Variants in NR2F2 observed in about 807,000 individuals in gnomAD.
NR2F2 encodes COUP transcription factor 2.
Under a neutral mutation model 34.8 loss-of-function variants are expected in NR2F2, and 2 were observed. The ratio of observed to expected loss-of-function variants is 0.06; its 90% CI spans 0.02 to 0.18. The LOEUF (loss-of-function observed/expected upper bound fraction) is 0.18, where lower values mean the gene tolerates loss of function less well. NR2F2 is among the 10% of genes least tolerant of loss of function. The probability of loss-of-function intolerance (pLI) is 1.00; values close to 1 mark genes in which losing one functional copy is unlikely to be tolerated. For synonymous variants in NR2F2, 274 were observed against 251.8 expected (o/e 1.09, Z -0.84); for missense variants, 300 against 580.1 (o/e 0.52, Z 4.96).
chr15:96,334,225 A>G lies in NR2F2; in HGVS notation c.592A>G (p.Ser198Gly), dbSNP rs1899251327. Reference protein sequence around the residue: ...AEPYPTSRFGSQCMQPNNIMG... With the variant: ...AEPYPTSRFGGQCMQPNNIMG... ...GCCCTATCCCACGTCGCGCTTCGGC[A>G]GCCAATGCATGCAGCCCAACAACAT... is the stretch of plus-strand genomic sequence containing the variant. Residue 198 changes from serine (S) to glycine (G), a missense_variant, in exon 2 of 3, where the codon AGC (serine) becomes GGC (glycine). Transcript: ENST00000394166. The G allele has an allele frequency of 3.1e-6, 5 of 1,614,164 alleles. No homozygotes were observed. Among genetic ancestry groups the G allele is most frequent in the African/African-American group, 1.3e-5 (1 of 75,048 alleles).
At chr15:96,335,922 G>C (rs900757522) in intron 2 of NR2F2, among the ~76,000 whole-genome samples, 1 of 152,174 alleles carries the variant, frequency 6.6e-6, no homozygotes, top group East Asian at 1.9e-4. Flanking sequence ...GCCAGTGTCT[G>C]GGCAGGGAAG....
upstream of NR2F2, among the ~76,000 whole-genome samples, chr15:96,328,693 GCTTCATT>G (rs1167754480): frequency 6.6e-6 from 1 of 151,472 alleles, no homozygotes; most frequent in East Asian, 1.9e-4. Flanking sequence ...TCTCAGCTTG[GCTTCATT>G]CTGTGGCAAT....
At position 96,330,898 on chromosome 15, in the gene NR2F2, T is replaced by A; in HGVS notation, c.-1208T>A. On this transcript the variant is annotated 5_prime_UTR_variant, in exon 1 of 3. Coordinates refer to ENST00000394166, the MANE Select transcript of NR2F2 (RefSeq NM_021005.4). ...TCTCCGGGTGCCGTACTGCCTTTTTTCCCCTCTTTCATTCTTTCTCTCCGT... is the reference window on the plus strand; with the variant it reads ...TCTCCGGGTGCCGTACTGCCTTTTTACCCCTCTTTCATTCTTTCTCTCCGT... 8.7e-7 allele frequency: 1 copy of A among 1,147,862 alleles called. No individual in the cohort carries two copies. Among genetic ancestry groups the A allele is most frequent in the African/African-American group, 1.6e-5 (1 of 61,178 alleles). 71.1% of individuals were successfully genotyped at this position (1,147,862 alleles called of 1,614,324 possible). A position where few individuals can be genotyped will look rare whatever the true frequency, so the allele number is the denominator to read the frequency against.
Position 96,330,983 on chromosome 15 carries a change from T to G in NR2F2, c.-1123T>G. 8.3e-7 allele frequency: 1 copy of G among 1,205,768 alleles called. No homozygotes were observed. Among genetic ancestry groups the G allele is most frequent in the Non-Finnish European group, 1.0e-6 (1 of 970,862 alleles). The allele number at this position is 1,205,768 out of a possible 1,614,324, so 74.7% of individuals were successfully genotyped here. On this transcript the variant is annotated 5_prime_UTR_variant, in exon 1 of 3. Coordinates refer to ENST00000394166, the MANE Select transcript of NR2F2 (RefSeq NM_021005.4). The stretch of plus-strand genomic sequence containing the variant: ...TTCTAGGTGGTGATCTGCCCTCCTC[T>G]CTCTCTTTTATCATTTCTCCCCCGC...
chr15:96,328,488 CCA>C (rs990013098), upstream of NR2F2, among the ~76,000 whole-genome samples: 1 of 152,208 alleles, frequency 6.6e-6, no homozygotes, highest in African/African-American at 2.4e-5. Flanking sequence ...TATCTCAACC[CCA>C]GTCTCATCAC....
chr15:96,333,293 G>T, intron 1 of NR2F2: 1 of 977,166 alleles, frequency 1.0e-6, no homozygotes, highest in Non-Finnish European at 1.2e-6. Flanking sequence ...GGGTTGGGGC[G>T]AGCCAACGCC....
chr15:96,334,486 G>T lies in NR2F2; in HGVS notation c.853G>T (p.Val285Leu). Residue 285 changes from valine to leucine, a missense_variant, in exon 2 of 3, where the codon GTG becomes TTG. Transcript: ENST00000394166. Reference protein sequence around the residue: ...LHASPMSADRVVAFMDHIRIF... With the variant: ...LHASPMSADRLVAFMDHIRIF... ...TGCTTCGCCCATGTCCGCCGACCGG[G>T]TGGTCGCCTTTATGGACCACATACG... The T allele has an allele frequency of 6.2e-7, 1 of 1,613,928 alleles. No homozygotes were observed. Among genetic ancestry groups the T allele is most frequent in the African/African-American group, 1.3e-5 (1 of 75,050 alleles).
At chr15:96,330,469 C>CCCGCG (rs1899100683), upstream of NR2F2, among the ~76,000 whole-genome samples, 1 of 143,502 alleles carries the variant, frequency 7.0e-6, no homozygotes, top group Non-Finnish European at 1.5e-5. Flanking sequence ...CCCCGCGTGC[C>CCCGCG]CCGCGCCGCG....
rs1343245582 is a variant in NR2F2, at chr15:96,331,558, T to C, written c.-548T>C. ...CTCTCCTCCTCCTCTACCTCCTCCT[T>C]CACCACCACCTCCTCTTCCTCCTCC... On this transcript the variant is annotated 5_prime_UTR_variant, in exon 1 of 3. Coordinates refer to ENST00000394166, the MANE Select transcript of NR2F2 (RefSeq NM_021005.4). The C allele has an allele frequency of 6.6e-6, 8 of 1,221,174 alleles. No homozygotes were observed. Among genetic ancestry groups the C allele is most frequent in the African/African-American group, 4.8e-5 (3 of 62,472 alleles). 75.6% of individuals were successfully genotyped at this position (1,221,174 alleles called of 1,614,324 possible).
At chr15:96,329,750 G>T (rs1178524365), upstream of NR2F2, among the ~76,000 whole-genome samples, 2 of 152,134 alleles carry the variant, frequency 1.3e-5, no homozygotes, top group African/African-American at 4.8e-5. Context: ...CCATGACTGG[G>T]TGTGTGGCAG....
chr15:96,337,644 A>C lies in NR2F2; in HGVS notation c.*22A>C. 1.3e-6 allele frequency: 2 copies of C among 1,599,662 alleles called. No individual in the cohort carries two copies. Among genetic ancestry groups the C allele is most frequent in the Non-Finnish European group, 1.7e-6 (2 of 1,171,696 alleles). On this transcript the variant is annotated 3_prime_UTR_variant, in exon 3 of 3. Transcript: ENST00000394166. ...ATAAATAAATAAAATAAGAAGGGGGAGTGAAACAGAGAAAGAAAAGGCAAA... is the reference window on the plus strand; with the variant it reads ...ATAAATAAATAAAATAAGAAGGGGGCGTGAAACAGAGAAAGAAAAGGCAAA...
chr15:96,332,455 C>G lies in NR2F2; in HGVS notation c.350C>G (p.Ala117Gly). Reference protein sequence around the residue: ...VRRNLSYTCRANRNCPIDQHH... With the variant: ...VRRNLSYTCRGNRNCPIDQHH... ...AGGAACCTGAGCTACACGTGCCGCG[C>G]CAACCGGAACTGTCCCATCGACCAG... is the stretch of plus-strand genomic sequence containing the variant. Residue 117 changes from alanine (A) to glycine (G), a missense_variant, in exon 1 of 3, where the codon GCC (alanine) becomes GGC (glycine). Transcript: ENST00000394166. 1 of 1,614,192 alleles carries G rather than the reference C, an allele frequency of 6.2e-7. No homozygotes were observed. Among genetic ancestry groups the G allele is most frequent in the Non-Finnish European group, 8.5e-7 (1 of 1,180,032 alleles).
upstream of NR2F2, chr15:96,326,249 C>A: frequency 7.6e-7 from 1 of 1,318,016 alleles, no homozygotes; most frequent in Non-Finnish European, 1.1e-6. The surrounding 1 kb of genome is among the most constrained non-coding windows in gnomAD (Gnocchi z 5.5). Context: ...TTTCAGGGGG[C>A]CAACAAAGCA....
Position 96,332,279 on chromosome 15 carries a change from TGGCCAGGGC to T in NR2F2, c.179_187del (p.Gln60_Gly62del), listed in dbSNP as rs1432081929. ...GCACGCCAGCCCAGACGGCGGCCGGTGGCCAGGGCGGCCCTGGCGGCCCGGGTAGCGACA... is the reference window on the plus strand; with the variant it reads ...GCACGCCAGCCCAGACGGCGGCCGGTGGCCCTGGCGGCCCGGGTAGCGACA... On this transcript the variant is annotated inframe_deletion, in exon 1 of 3. Coordinates refer to ENST00000394166, the MANE Select transcript of NR2F2 (RefSeq NM_021005.4). 1.7e-5 allele frequency: 27 copies of T among 1,556,960 alleles called. No homozygotes were observed. Among genetic ancestry groups the T allele is most frequent in the Non-Finnish European group, 2.3e-5 (26 of 1,152,068 alleles).
At chr15:96,328,387 AT>A (rs1567135956), upstream of NR2F2, among the ~76,000 whole-genome samples, 2 of 152,334 alleles carry the variant, frequency 1.3e-5, no homozygotes, top group African/African-American at 4.8e-5. Flanking sequence ...GTAATCTGCT[AT>A]GGAAGTCTCA....
At position 96,331,614 on chromosome 15, in the gene NR2F2, G is replaced by T. The variant is rs998423672; in HGVS notation, c.-492G>T. ...CTCCTCCTCCTCCGCCAACTCCTCG[G>T]CTGCACACCAGCTCTAAGAGCGAGA... On this transcript the variant is annotated 5_prime_UTR_variant, in exon 1 of 3. Coordinates refer to ENST00000394166, the MANE Select transcript of NR2F2 (RefSeq NM_021005.4). The T allele has an allele frequency of 7.5e-6, 9 of 1,194,492 alleles. No homozygotes were observed. The African/African-American group carries it at 7.9e-5, about 11-fold the overall frequency. The allele number at this position is 1,194,492 out of a possible 1,614,324, so 74.0% of individuals were successfully genotyped here.
chr15:96,331,367 G>A lies in NR2F2; in HGVS notation c.-739G>A. On this transcript the variant is annotated 5_prime_UTR_variant, in exon 1 of 3. Coordinates refer to ENST00000394166, the MANE Select transcript of NR2F2 (RefSeq NM_021005.4). ...TTTCATGCTGATTCCCCCGGACCCG[G>A]GCAGCGCTCCGGCCACTCCGCGGGC... The A allele has an allele frequency of 1.6e-6, 2 of 1,220,008 alleles. No individual in the cohort carries two copies. The highest frequency in any genetic ancestry group is 3.1e-5 in the African/African-American group (2 of 63,926). 75.6% of individuals were successfully genotyped at this position (1,220,008 alleles called of 1,614,324 possible).
chr15:96,332,952 A>AC (rs1270657976), intron 1 of NR2F2, among the ~76,000 whole-genome samples: 4 of 151,226 alleles, frequency 2.6e-5, no homozygotes, highest in South Asian at 2.1e-4. Flanking sequence ...AAAAAAAAAA[A>AC]AAAAAAAACC....
chr15:96,329,100 A>G (rs1899062503), upstream of NR2F2, among the ~76,000 whole-genome samples: 1 of 151,720 alleles, frequency 6.6e-6, no homozygotes, highest in Non-Finnish European at 1.5e-5. Flanking sequence ...ATATGTGTTC[A>G]TTTCTTTCCT....
Sources: gnomAD v4.1 joint callset for allele counts (sites outside exome capture counted in the v4.1 genomes callset) on GRCh38, gnomAD v4.1.1 for gene constraint, Gnocchi (gnomAD v3.1) non-coding constraint, MANE v1.5 for transcripts, NCBI Gene and HGNC (gene_info 2026-07-23, HGNC 2026-07-21) for gene names.